KLF8: variants seen among roughly 807,000 people sequenced by gnomAD.
KLF8 encodes the protein KLF transcription factor 8, also known as Krueppel-like factor 8.
Under a neutral mutation model 18.2 loss-of-function variants are expected in KLF8, and 10 were observed. The observed-to-expected ratio is 0.55, with a 90% CI of 0.34 to 0.93. The LOEUF is 0.93. KLF8 is among the 40% of genes least tolerant of loss of function. The pLI, the probability that KLF8 is intolerant of heterozygous loss-of-function variation, is 0.02. For missense variants in KLF8, 264 were observed against 277.9 expected (o/e 0.95, Z 0.36); for synonymous variants, 109 against 97.3 (o/e 1.12, Z -0.71).
the KLF8 span, among the ~76,000 whole-genome samples, chrX:56,047,065 T>G: frequency 2.7e-5 from 3 of 110,365 alleles, no homozygotes; most frequent in East Asian, 8.5e-4. Context: ...TTTTTTAATT[T>G]TTTTTTTTGT....
At chrX:55,941,916 G>C in the KLF8 span, among the ~76,000 whole-genome samples, 1 of 111,662 alleles carries the variant, frequency 9.0e-6, no homozygotes, top group Non-Finnish European at 1.9e-5. Context: ...TACACTGTTG[G>C]TGGGATTGTA....
chrX:56,221,489 C>T, the KLF8 span, among the ~76,000 whole-genome samples: 11 of 111,882 alleles, frequency 9.8e-5, no homozygotes, highest in South Asian at 3.0e-3. Flanking sequence ...AATGAAGCTG[C>T]GGACCCTCGC....
At chrX:56,119,338 G>A in the KLF8 span, among the ~76,000 whole-genome samples, 1 of 111,156 alleles carries the variant, frequency 9.0e-6, no homozygotes, top group East Asian at 2.8e-4. Flanking sequence ...GAGAGCTGAG[G>A]AGGCATCCCA....
At chrX:55,978,801 G>A in the KLF8 span, among the ~76,000 whole-genome samples, 68 of 111,747 alleles carry the variant, frequency 6.1e-4, no homozygotes, top group Non-Finnish European at 1.2e-3. Flanking sequence ...GTAAGGACAG[G>A]CAGCAATATA....
At chrX:56,262,426 G>C (rs1180239956) in intron 2 of KLF8, among the ~76,000 whole-genome samples, 1 of 111,554 alleles carries the variant, frequency 9.0e-6, no homozygotes, top group African/African-American at 3.3e-5. Context: ...ATTGTTGTAG[G>C]CAGCACTCAT....
At chrX:56,140,399 G>A in the KLF8 span, among the ~76,000 whole-genome samples, 45 of 111,815 alleles carry the variant, frequency 4.0e-4, no homozygotes, top group Admixed American at 4.1e-3. Flanking sequence ...AACATGATAC[G>A]TATGCATGAT....
At chrX:56,101,575 T>C in the KLF8 span, among the ~76,000 whole-genome samples, 1 of 112,135 alleles carries the variant, frequency 8.9e-6, no homozygotes, top group Non-Finnish European at 1.9e-5. Flanking sequence ...TAATTTACAT[T>C]CCCACCAACA....
At chrX:55,956,146 T>TATC in the KLF8 span, among the ~76,000 whole-genome samples, 1 of 99,525 alleles carries the variant, frequency 1.0e-5, no homozygotes, top group Non-Finnish European at 1.9e-5. Flanking sequence ...TCTATCTATC[T>TATC]ATCTATCTAT....
the KLF8 span, among the ~76,000 whole-genome samples, chrX:56,193,650 A>G: frequency 8.9e-6 from 1 of 112,323 alleles, no homozygotes; most frequent in African/African-American, 3.2e-5. Context: ...AAAGATTGAA[A>G]TTCTGTCATT....
At chrX:56,169,792 A>T in the KLF8 span, among the ~76,000 whole-genome samples, 3 of 112,011 alleles carry the variant, frequency 2.7e-5, no homozygotes, top group African/African-American at 9.7e-5. Context: ...GGACACAAGC[A>T]CGGCTGGTTT....
chrX:55,908,754 C>T, the KLF8 span: 4 of 282,783 alleles, frequency 1.4e-5, no homozygotes, highest in East Asian at 5.0e-5. Context: ...CGGCCCAGGC[C>T]CCGGGGCTGG....
the KLF8 span, among the ~76,000 whole-genome samples, chrX:56,164,175 T>C: frequency 9.5e-6 from 1 of 105,793 alleles, no homozygotes; most frequent in East Asian, 2.9e-4. Context: ...TTAATTCAAA[T>C]AGGTTAGATT....
At chrX:56,222,668 G>A in the KLF8 span, among the ~76,000 whole-genome samples, 2 of 112,871 alleles carry the variant, frequency 1.8e-5, no homozygotes, top group Non-Finnish European at 1.9e-5. Flanking sequence ...GCGCTCGTTG[G>A]GGAGGCTTGG....
At chrX:56,182,741 A>C in the KLF8 span, among the ~76,000 whole-genome samples, 6 of 112,652 alleles carry the variant, frequency 5.3e-5, no homozygotes, top group South Asian at 3.7e-4. Context: ...TCCCCTCCAG[A>C]CCCTGTTTGC....
the KLF8 span, among the ~76,000 whole-genome samples, chrX:56,129,450 A>G: frequency 4.5e-5 from 5 of 111,684 alleles, no homozygotes; most frequent in Non-Finnish European, 9.4e-5. Flanking sequence ...TATGACCTTA[A>G]CTGGATCTGA....
the KLF8 span, among the ~76,000 whole-genome samples, chrX:56,081,616 TA>T: frequency 8.0e-5 from 9 of 112,238 alleles, no homozygotes; most frequent in African/African-American, 2.9e-4. Flanking sequence ...ATGAATTTTT[TA>T]CAAATGCCTT....
At chrX:56,089,090 C>T in the KLF8 span, among the ~76,000 whole-genome samples, 1 of 111,012 alleles carries the variant, frequency 9.0e-6, no homozygotes, top group African/African-American at 3.3e-5. Context: ...AAAGTCATCC[C>T]CACTGCAGTA....
chrX:56,038,694 A>G, the KLF8 span, among the ~76,000 whole-genome samples: 6 of 112,621 alleles, frequency 5.3e-5, no homozygotes, highest in African/African-American at 9.7e-5. Context: ...GCATGTATCT[A>G]TAATAGAACG....
At chrX:55,909,653 T>A in the KLF8 span, among the ~76,000 whole-genome samples, 4 of 112,598 alleles carry the variant, frequency 3.6e-5, no homozygotes, top group Admixed American at 1.9e-4. Context: ...AATGGTTCAC[T>A]TTTATTGTCT....
Sources: allele counts gnomAD v4.1 joint callset (sites outside exome capture counted in the v4.1 genomes callset), GRCh38; gene constraint gnomAD v4.1.1; transcripts MANE v1.5; gene names NCBI Gene and HGNC (gene_info 2026-07-23, HGNC 2026-07-21).